The following CA10 variants were observed in gnomAD, a reference collection of about 807,000 sequenced individuals.
The protein encoded by CA10 is carbonic anhydrase 10 (inactive), also known as carbonic anhydrase-related protein 10.
In CA10, 14 loss-of-function variants were observed where a neutral mutation model predicts 44.2. The observed-to-expected ratio is 0.32, with a 90% CI of 0.21 to 0.50. The LOEUF (loss-of-function observed/expected upper bound fraction) is 0.50. Ranked by LOEUF, CA10 falls within the 20% of genes least tolerant of loss-of-function variation. The pLI is 0.99. For missense variants in CA10, 350 were observed against 409.7 expected (o/e 0.85, Z 1.26); for synonymous variants, 159 against 141.6 (o/e 1.12, Z -0.87).
chr17:51,863,820 A>C (rs934751162), intron 3 of CA10, among the ~76,000 whole-genome samples: 30 of 152,322 alleles, frequency 2.0e-4, no homozygotes, highest in African/African-American at 7.0e-4. Flanking sequence ...ATCCTCAAGG[A>C]TATCTTACCC....
At chr17:51,710,646 C>A (rs1353699823) in intron 4 of CA10, among the ~76,000 whole-genome samples, 1 of 152,010 alleles carries the variant, frequency 6.6e-6, no homozygotes, top group Non-Finnish European at 1.5e-5. Context: ...AAAATCATTT[C>A]CTCTGGGTGG....
chr17:52,139,048 C>T lies in CA10; in HGVS notation c.61+18678G>A, dbSNP rs75164049. The stretch of plus-strand genomic sequence containing the variant: ...AGGCCCTGAAGAAATGGAATGCAAT[C>T]ATTCAAACTAGGAGTTGGTAAATTG... On this transcript the variant is annotated intron_variant, in intron 1 of 8. Transcript: ENST00000451037. Among the ~76,000 whole-genome samples the T allele has an allele frequency of 1.3e-3, 198 of 152,314 alleles. 1 individual carries two copies. Among genetic ancestry groups the T allele is most frequent in the African/African-American group, 4.6e-3 (193 of 41,554 alleles).
At chr17:52,012,633 T>G (rs1985835508) in intron 2 of CA10, among the ~76,000 whole-genome samples, 1 of 152,032 alleles carries the variant, frequency 6.6e-6, no homozygotes, top group African/African-American at 2.4e-5. Flanking sequence ...TCAGTGATTA[T>G]TAATATAAAG....
At chr17:51,641,149 CAG>C (rs1416775605) in intron 6 of CA10, among the ~76,000 whole-genome samples, 4 of 144,354 alleles carry the variant, frequency 2.8e-5, no homozygotes, top group South Asian at 2.1e-4. Flanking sequence ...CTCTCTCTCT[CAG>C]CTCTCTCTCT....
intron 3 of CA10, among the ~76,000 whole-genome samples, chr17:51,834,112 T>C (rs540088784): frequency 6.6e-6 from 1 of 152,326 alleles, no homozygotes; most frequent in South Asian, 2.1e-4. Flanking sequence ...GGGTTCAGCA[T>C]CATTAGGGGA....
chr17:51,928,464 A>G lies in CA10; in HGVS notation c.279+2526T>C, dbSNP rs185959800. Among the ~76,000 whole-genome samples, 646 of 152,252 alleles carry G rather than the reference A, an allele frequency of 4.2e-3. 1 individual carries two copies. The highest frequency in any genetic ancestry group is 0.01 in the Middle Eastern group (3 of 294). On this transcript the variant is annotated intron_variant, in intron 3 of 8. Coordinates refer to ENST00000451037, the MANE Select transcript of CA10 (RefSeq NM_020178.5). ...GCCCTTGTTCCTTCATTTGAGCCCA[A>G]TGTCAGGTCAAATATGTTAAAATAA... is the stretch of plus-strand genomic sequence containing the variant.
At chr17:52,065,396 T>G (rs1987507266) in intron 2 of CA10, among the ~76,000 whole-genome samples, 1 of 152,226 alleles carries the variant, frequency 6.6e-6, no homozygotes, top group African/African-American at 2.4e-5. Flanking sequence ...CAAGCCTTTG[T>G]CTTTTTCTTT....
At chr17:51,759,901 G>A (rs1024631993) in intron 3 of CA10, among the ~76,000 whole-genome samples, 1 of 152,082 alleles carries the variant, frequency 6.6e-6, no homozygotes. Flanking sequence ...ATATGTAGTG[G>A]GTTATACATT....
intron 4 of CA10, among the ~76,000 whole-genome samples, chr17:51,693,329 C>T (rs1272438226): frequency 6.6e-6 from 1 of 152,048 alleles, no homozygotes; most frequent in Non-Finnish European, 1.5e-5. Context: ...GTAATTATAT[C>T]TTTTTCTCTT....
chr17:52,031,883 T>C (rs1986478123), intron 2 of CA10, among the ~76,000 whole-genome samples: 1 of 152,228 alleles, frequency 6.6e-6, no homozygotes, highest in Non-Finnish European at 1.5e-5. Flanking sequence ...CCTGAAAGTT[T>C]TGAGATCTAG....
chr17:52,152,732 T>C (rs1227665075), intron 1 of CA10, among the ~76,000 whole-genome samples: 1 of 152,178 alleles, frequency 6.6e-6, no homozygotes, highest in Non-Finnish European at 1.5e-5. Context: ...ATCTTAAGTA[T>C]GGATCATATA....
At chr17:52,100,100 A>C (rs1197666076) in intron 1 of CA10, among the ~76,000 whole-genome samples, 14 of 152,202 alleles carry the variant, frequency 9.2e-5, no homozygotes, top group Non-Finnish European at 1.5e-5. Context: ...AGGAAATAAG[A>C]GATCAATTTT....
At chr17:52,026,046 T>A (rs1221001754) in intron 2 of CA10, among the ~76,000 whole-genome samples, 1 of 152,102 alleles carries the variant, frequency 6.6e-6, no homozygotes, top group East Asian at 1.9e-4. Flanking sequence ...GGAAAATATC[T>A]TTTAAATTGA....
At chr17:51,933,558 G>A (rs923224631) in intron 2 of CA10, among the ~76,000 whole-genome samples, 1 of 152,088 alleles carries the variant, frequency 6.6e-6, no homozygotes, top group South Asian at 2.1e-4. Context: ...TTGACCTCCA[G>A]AAACGTAGGA....
intron 3 of CA10, among the ~76,000 whole-genome samples, chr17:51,924,123 C>G (rs1169061517): frequency 6.6e-6 from 1 of 152,016 alleles, no homozygotes; most frequent in Non-Finnish European, 1.5e-5. Flanking sequence ...AGAGATTTCA[C>G]AGTTAGCTAA....
intron 2 of CA10, among the ~76,000 whole-genome samples, chr17:52,061,404 A>T (rs1223073337): frequency 6.6e-6 from 1 of 152,168 alleles, no homozygotes; most frequent in Non-Finnish European, 1.5e-5. Flanking sequence ...TGCCCTAGTG[A>T]CACCTTGATT....
intron 2 of CA10, among the ~76,000 whole-genome samples, chr17:52,067,126 C>T (rs143546134): frequency 0.039 from 5,986 of 152,312 alleles, 306 homozygotes; most frequent in African/African-American, 0.12. Context: ...AAAATGTCTC[C>T]AGGGCATGTC....
chr17:51,978,611 T>C (rs1984543937), intron 2 of CA10, among the ~76,000 whole-genome samples: 1 of 152,086 alleles, frequency 6.6e-6, no homozygotes, highest in Non-Finnish European at 1.5e-5. Context: ...AAGATCTTTT[T>C]GGTCTTAAGG....
At chr17:52,056,965 T>C (rs1987246134) in intron 2 of CA10, among the ~76,000 whole-genome samples, 1 of 152,098 alleles carries the variant, frequency 6.6e-6, no homozygotes, top group Non-Finnish European at 1.5e-5. Flanking sequence ...GAATATGTGG[T>C]ACAACAGCGA....
Sources: gnomAD v4.1 joint callset for allele counts (sites outside exome capture counted in the v4.1 genomes callset) on GRCh38, gnomAD v4.1.1 for gene constraint, MANE v1.5 for transcripts, NCBI Gene and HGNC (gene_info 2026-07-23, HGNC 2026-07-21) for gene names.